Variants in ACYP2 observed in about 807,000 individuals in gnomAD.
ACYP2 encodes the protein acylphosphatase-2.
Under a neutral mutation model 11.2 loss-of-function variants are expected in ACYP2, and 12 were observed. That is an observed-to-expected ratio of 1.08 (90% CI 0.69 to 1.74). ACYP2 has a LOEUF of 1.74. ACYP2 is among the 40% of genes most tolerant of loss of function. The probability of loss-of-function intolerance (pLI) is 0.00; values close to 1 mark genes in which losing one functional copy is unlikely to be tolerated. For missense variants in ACYP2, 134 were observed against 101.9 expected, an observed-to-expected ratio of 1.31 and a Z score of -1.35; for synonymous variants, 43 against 32.2, an observed-to-expected ratio of 1.33 and a Z score of -1.13.
intron 6 of ACYP2, among the ~76,000 whole-genome samples, chr2:54,273,044 G>T (rs551980625): frequency 1.3e-5 from 2 of 152,210 alleles, no homozygotes; most frequent in Non-Finnish European, 2.9e-5. Flanking sequence ...GAAGGATCAA[G>T]GTGGGAACAG....
intron 6 of ACYP2, among the ~76,000 whole-genome samples, chr2:54,195,207 G>A (rs1433122613): frequency 6.6e-6 from 1 of 152,164 alleles, no homozygotes; most frequent in East Asian, 1.9e-4. Context: ...AGGGCCGATT[G>A]TTAGATTCTA....
chr2:54,054,798 G>T (rs1386050115), intron 3 of ACYP2, among the ~76,000 whole-genome samples: 1 of 152,130 alleles, frequency 6.6e-6, no homozygotes, highest in African/African-American at 2.4e-5. Context: ...CCTTCTAAAG[G>T]ATTTGACATA....
At chr2:53,974,429 C>A (rs1259697768) in intron 2 of ACYP2, among the ~76,000 whole-genome samples, 1 of 152,082 alleles carries the variant, frequency 6.6e-6, no homozygotes, top group Non-Finnish European at 1.5e-5. Flanking sequence ...GAAGTTCTTT[C>A]TATAGTTTCT....
At chr2:54,123,661 T>G (rs1327536533) in intron 4 of ACYP2, among the ~76,000 whole-genome samples, 3 of 152,064 alleles carry the variant, frequency 2.0e-5, no homozygotes, top group Non-Finnish European at 2.9e-5. Context: ...CATGTTAAAG[T>G]GCCTCAGGGA....
chr2:54,226,501 G>A (rs1455110064), intron 6 of ACYP2, among the ~76,000 whole-genome samples: 2 of 152,198 alleles, frequency 1.3e-5, no homozygotes, highest in Admixed American at 6.5e-5. Flanking sequence ...AGAAAGAAGT[G>A]TTAATGTTAA....
chr2:54,254,618 G>A (rs368927774), intron 6 of ACYP2: 7 of 278,142 alleles, frequency 2.5e-5, no homozygotes, highest in Admixed American at 1.9e-4. Context: ...GGAACAAACC[G>A]AGTCCAAACA....
chr2:54,199,525 T>A (rs1174780777), intron 6 of ACYP2, among the ~76,000 whole-genome samples: 1 of 152,160 alleles, frequency 6.6e-6, no homozygotes, highest in Non-Finnish European at 1.5e-5. Flanking sequence ...GGATAGAGAC[T>A]TGGCTGGTAC....
intron 2 of ACYP2, among the ~76,000 whole-genome samples, chr2:54,024,463 C>T (rs1674172038): frequency 6.6e-6 from 1 of 152,118 alleles, no homozygotes; most frequent in African/African-American, 2.4e-5. Context: ...TGATACACCA[C>T]ATAAACAGAA....
At chr2:54,128,776 G>C (rs1233486742) in intron 4 of ACYP2, among the ~76,000 whole-genome samples, 2 of 151,732 alleles carry the variant, frequency 1.3e-5, no homozygotes, top group Non-Finnish European at 2.9e-5. Flanking sequence ...TTTAGGGCAA[G>C]CGTGGTACTA....
At chr2:54,077,011 A>G (rs866308624) in intron 4 of ACYP2, among the ~76,000 whole-genome samples, 21 of 152,334 alleles carry the variant, frequency 1.4e-4, no homozygotes, top group African/African-American at 4.8e-4. Context: ...AAAAACACAT[A>G]CACATATAAA....
chr2:54,246,957 A>G (rs1425628783), intron 6 of ACYP2, among the ~76,000 whole-genome samples: 2 of 152,158 alleles, frequency 1.3e-5, no homozygotes, highest in Non-Finnish European at 2.9e-5. Flanking sequence ...TAAAAGCTCT[A>G]AAAGGAAAGA....
intron 6 of ACYP2, among the ~76,000 whole-genome samples, chr2:54,172,433 T>A (rs1572887562): frequency 2.0e-5 from 3 of 152,152 alleles, no homozygotes; most frequent in South Asian, 4.1e-4. Context: ...CCTTCTTTTC[T>A]CCAAATCATC....
intron 4 of ACYP2, among the ~76,000 whole-genome samples, chr2:54,096,059 C>T (rs1254534510): frequency 1.5e-5 from 2 of 129,136 alleles, no homozygotes; most frequent in African/African-American, 6.0e-5. Flanking sequence ...GGGGCTGACC[C>T]CCACCTCCCT....
At chr2:54,145,512 A>G (rs764578356) in intron 6 of ACYP2, among the ~76,000 whole-genome samples, 2 of 152,008 alleles carry the variant, frequency 1.3e-5, no homozygotes, top group Non-Finnish European at 2.9e-5. Flanking sequence ...TTTCAAACAC[A>G]TACATGAATA....
At chr2:54,007,138 CAAAAAAAAAA>C (rs70944145) in intron 2 of ACYP2, among the ~76,000 whole-genome samples, 1 of 52,200 alleles carries the variant, frequency 1.9e-5, no homozygotes, top group Non-Finnish European at 3.5e-5. Context: ...GACTCTGTGT[CAAAAAAAAAA>C]AAAAAAAAAA....
At chr2:53,973,685 C>A in intron 1 of ACYP2, 3 of 250,876 alleles carry the variant, frequency 1.2e-5, no homozygotes, top group Non-Finnish European at 2.3e-5. Flanking sequence ...ATGGTAATCC[C>A]AACACCCTTT....
chr2:54,248,512 TG>T (rs1414460408), intron 6 of ACYP2, among the ~76,000 whole-genome samples: 1 of 152,100 alleles, frequency 6.6e-6, no homozygotes, highest in Non-Finnish European at 1.5e-5. Context: ...TCTAGTATGG[TG>T]TCTAGAATGG....
intron 4 of ACYP2, among the ~76,000 whole-genome samples, chr2:54,132,662 AT>A (rs1680977300): frequency 6.6e-6 from 1 of 151,366 alleles, no homozygotes; most frequent in Non-Finnish European, 1.5e-5. Flanking sequence ...TTCCCAGTGT[AT>A]TTTTTCCCAA....
intron 6 of ACYP2, among the ~76,000 whole-genome samples, chr2:54,197,317 C>A (rs548500607): frequency 2.6e-5 from 4 of 152,310 alleles, no homozygotes; most frequent in African/African-American, 9.6e-5. Flanking sequence ...AGAATTAGTT[C>A]TCTCTCCCAC....
Sources: gnomAD v4.1 joint callset for allele counts (sites outside exome capture counted in the v4.1 genomes callset) on GRCh38, gnomAD v4.1.1 for gene constraint, MANE v1.5 for transcripts, NCBI Gene and HGNC (gene_info 2026-07-23, HGNC 2026-07-21) for gene names.